Variants in MDGA2 observed in about 807,000 individuals in gnomAD.
MDGA2 encodes MAM domain containing glycosylphosphatidylinositol anchor 2.
In MDGA2, 40 loss-of-function variants were observed where a neutral mutation model predicts 117.8. The ratio of observed to expected loss-of-function variants is 0.34; its 90% CI spans 0.26 to 0.44. The LOEUF (loss-of-function observed/expected upper bound fraction) is 0.44. MDGA2 is among the 20% of genes least tolerant of loss of function. The pLI is 1.00. For missense variants in MDGA2, 1,123 were observed against 1,250.6 expected (o/e 0.90, Z 1.54); for synonymous variants, 452 against 439.0 (o/e 1.03, Z -0.37).
At chr14:47,455,492 C>A (rs538693729) in intron 1 of MDGA2, among the ~76,000 whole-genome samples, 1 of 151,962 alleles carries the variant, frequency 6.6e-6, no homozygotes, top group South Asian at 2.1e-4. Flanking sequence ...GATGACACAG[C>A]AAGACTCTGT....
chr14:47,561,175 G>GTTTTTTTTTTTTTTTTTT (rs150826944), intron 1 of MDGA2, among the ~76,000 whole-genome samples: 16 of 69,356 alleles, frequency 2.3e-4, no homozygotes, highest in Non-Finnish European at 3.6e-4. Context: ...TTTTTTGTTT[G>GTTTTTTTTTTTTTTTTTT]TTTGTTTTTT....
intron 3 of MDGA2, among the ~76,000 whole-genome samples, chr14:47,193,464 T>C (rs949853640): frequency 6.6e-6 from 1 of 151,398 alleles, no homozygotes; most frequent in Non-Finnish European, 1.5e-5. Context: ...CTTATTATTC[T>C]GAATTTTTTT....
chr14:46,927,182 AG>A (rs1884365101), intron 9 of MDGA2, among the ~76,000 whole-genome samples: 1 of 152,204 alleles, frequency 6.6e-6, no homozygotes, highest in South Asian at 2.1e-4. Context: ...CTTTGAGGAA[AG>A]TAAGATTTAA....
intron 1 of MDGA2, among the ~76,000 whole-genome samples, chr14:47,612,237 T>C (rs538323821): frequency 2.0e-5 from 3 of 152,020 alleles, no homozygotes; most frequent in East Asian, 3.9e-4. Context: ...GATAGATAGA[T>C]AGATAGATAG....
chr14:46,949,606 G>A (rs1212969722), intron 9 of MDGA2, among the ~76,000 whole-genome samples: 1 of 151,922 alleles, frequency 6.6e-6, no homozygotes, highest in Non-Finnish European at 1.5e-5. Context: ...AGAACACTGA[G>A]TTTTGATTTT....
intron 9 of MDGA2, among the ~76,000 whole-genome samples, chr14:46,934,459 C>T (rs184536964): frequency 1.2e-4 from 18 of 152,238 alleles, no homozygotes; most frequent in African/African-American, 3.8e-4. Flanking sequence ...TACACAGAGG[C>T]ATATTTCTTG....
chr14:47,078,506 A>C (rs746218954), intron 6 of MDGA2, among the ~76,000 whole-genome samples: 79 of 152,146 alleles, frequency 5.2e-4, no homozygotes, highest in Non-Finnish European at 9.6e-4. Context: ...GAAAATATCC[A>C]TATCAAATTT....
intron 5 of MDGA2, among the ~76,000 whole-genome samples, chr14:47,109,596 A>T (rs997230366): frequency 9.9e-5 from 15 of 152,224 alleles, no homozygotes; most frequent in African/African-American, 3.6e-4. Context: ...AGTTGAATTT[A>T]AAAATTATTA....
At chr14:47,265,103 CAG>C (rs1427494691) in intron 2 of MDGA2, among the ~76,000 whole-genome samples, 1 of 152,106 alleles carries the variant, frequency 6.6e-6, no homozygotes, top group Non-Finnish European at 1.5e-5. Flanking sequence ...ATATTCTCAA[CAG>C]GGCAGTTTTC....
At chr14:47,169,230 C>T (rs2139311344) in intron 3 of MDGA2, among the ~76,000 whole-genome samples, 1 of 151,974 alleles carries the variant, frequency 6.6e-6, no homozygotes. Flanking sequence ...TCGATATGAC[C>T]AAATATAACA....
intron 9 of MDGA2, among the ~76,000 whole-genome samples, chr14:46,944,961 T>A (rs944148589): frequency 1.3e-5 from 2 of 152,110 alleles, no homozygotes; most frequent in Non-Finnish European, 2.9e-5. Context: ...TAGTTTTTAA[T>A]AAACTACTAT....
At chr14:47,498,100 G>A (rs1352573566) in intron 1 of MDGA2, among the ~76,000 whole-genome samples, 1 of 152,152 alleles carries the variant, frequency 6.6e-6, no homozygotes, top group Non-Finnish European at 1.5e-5. Flanking sequence ...TGAAAGTTAA[G>A]TAATCATCTA....
chr14:47,439,095 A>C (rs993638957), intron 1 of MDGA2, among the ~76,000 whole-genome samples: 1 of 152,074 alleles, frequency 6.6e-6, no homozygotes, highest in African/African-American at 2.4e-5. Flanking sequence ...TGCTGTAATA[A>C]ACTGCAGTAG....
At chr14:46,901,873 CAAAAAG>C (rs1483148033) in intron 10 of MDGA2, among the ~76,000 whole-genome samples, 3 of 152,068 alleles carry the variant, frequency 2.0e-5, no homozygotes, top group Non-Finnish European at 4.4e-5. Context: ...AAAGTAAACT[CAAAAAG>C]GAAAACTGTG....
Position 47,354,114 on chromosome 14 carries a change from A to G in MDGA2, c.281-52564T>C, listed in dbSNP as rs1028067031. On this transcript the variant is annotated intron_variant, in intron 1 of 16. Transcript: ENST00000399232. ...TGACAAAATTCAACATCCTATCATG[A>G]GAAAAATTCTCAACAAATTAGGTAT... 2.0e-5 allele frequency among the ~76,000 whole-genome samples: 3 copies of G among 152,222 alleles called. No homozygotes were observed. The East Asian group carries it at 5.8e-4, about 29-fold the overall frequency.
intron 1 of MDGA2, among the ~76,000 whole-genome samples, chr14:47,535,213 T>C (rs529520248): frequency 2.6e-5 from 4 of 152,338 alleles, no homozygotes; most frequent in South Asian, 2.1e-4. Context: ...TTCTTTCATA[T>C]AACAGGACAA....
chr14:47,079,535 T>C (rs1410768987), intron 6 of MDGA2, among the ~76,000 whole-genome samples: 1 of 152,128 alleles, frequency 6.6e-6, no homozygotes, highest in African/African-American at 2.4e-5. Context: ...GATAGCATTA[T>C]TTAAAATTTG....
At chr14:47,607,902 T>C (rs187378017) in intron 1 of MDGA2, among the ~76,000 whole-genome samples, 2 of 152,132 alleles carry the variant, frequency 1.3e-5, no homozygotes, top group African/African-American at 4.8e-5. Context: ...GTGTTCATAA[T>C]ATGATAAAAG....
At chr14:47,091,949 A>T (rs1243067114) in intron 6 of MDGA2, among the ~76,000 whole-genome samples, 1 of 152,120 alleles carries the variant, frequency 6.6e-6, no homozygotes, top group Non-Finnish European at 1.5e-5. Flanking sequence ...AAGTACACTC[A>T]GCAGCATTAT....
Sources: allele counts gnomAD v4.1 joint callset (sites outside exome capture counted in the v4.1 genomes callset), GRCh38; gene constraint gnomAD v4.1.1; transcripts MANE v1.5; gene names NCBI Gene and HGNC (gene_info 2026-07-23, HGNC 2026-07-21).